Variants in SPMIP4 observed in about 807,000 individuals in gnomAD.
The protein encoded by SPMIP4 is sperm microtubule inner protein 4.
the SPMIP4 span, among the ~76,000 whole-genome samples, chr7:25,161,861 AC>A: frequency 6.6e-6 from 1 of 152,168 alleles, no homozygotes. Context: ...AAAAACCTGT[AC>A]AAAAATTAAA....
chr7:25,152,456 G>A, the SPMIP4 span, among the ~76,000 whole-genome samples: 1 of 151,700 alleles, frequency 6.6e-6, no homozygotes, highest in East Asian at 1.9e-4. Context: ...CACTTACCAT[G>A]TGCCAGTCAC....
At chr7:25,163,242 A>C in the SPMIP4 span, among the ~76,000 whole-genome samples, 1 of 152,254 alleles carries the variant, frequency 6.6e-6, no homozygotes, top group Non-Finnish European at 1.5e-5. The surrounding 1 kb of genome is among the most constrained non-coding windows in gnomAD (Gnocchi z 4.4). Flanking sequence ...CCCATTGAAA[A>C]TATAGTGTCA....
chr7:25,137,007 T>C, the SPMIP4 span, among the ~76,000 whole-genome samples: 1 of 152,232 alleles, frequency 6.6e-6, no homozygotes, highest in African/African-American at 2.4e-5. Context: ...GAAAGGGGCA[T>C]GTTTTTTATT....
the SPMIP4 span, among the ~76,000 whole-genome samples, chr7:25,160,159 C>T: frequency 1.1e-4 from 17 of 151,836 alleles, no homozygotes; most frequent in African/African-American, 3.6e-4. Flanking sequence ...AGGGATAAAC[C>T]GAGACAACCA....
At chr7:25,146,140 T>A in the SPMIP4 span, among the ~76,000 whole-genome samples, 15 of 152,154 alleles carry the variant, frequency 9.9e-5, no homozygotes, top group African/African-American at 3.6e-4. Context: ...ACATCTGGAA[T>A]GAAGACAGAG....
the SPMIP4 span, among the ~76,000 whole-genome samples, chr7:25,153,362 G>A: frequency 6.6e-6 from 1 of 151,704 alleles, no homozygotes; most frequent in African/African-American, 2.4e-5. Flanking sequence ...TCAGGAGTTC[G>A]AGACCAGCCT....
the SPMIP4 span, chr7:25,142,822 A>G: frequency 6.7e-7 from 1 of 1,501,926 alleles, no homozygotes; most frequent in Middle Eastern, 1.8e-4. Context: ...AAACTAAAAT[A>G]TGAACATAAA....
At chr7:25,157,119 G>A in the SPMIP4 span, among the ~76,000 whole-genome samples, 1 of 151,988 alleles carries the variant, frequency 6.6e-6, no homozygotes, top group Non-Finnish European at 1.5e-5. Flanking sequence ...ATATAGGAGC[G>A]AACTCAAAGA....
the SPMIP4 span, chr7:25,151,557 G>T: frequency 7.8e-7 from 1 of 1,283,904 alleles, no homozygotes; most frequent in Non-Finnish European, 1.1e-6. Flanking sequence ...AAAAATATTT[G>T]TTACTTTCCT....
At chr7:25,159,977 T>A in the SPMIP4 span, among the ~76,000 whole-genome samples, 1 of 143,920 alleles carries the variant, frequency 6.9e-6, no homozygotes, top group Non-Finnish European at 1.5e-5. Context: ...CCATTTTGAT[T>A]TGATTCGAAA....
the SPMIP4 span, chr7:25,136,569 G>GT: frequency 6.2e-7 from 1 of 1,614,132 alleles, no homozygotes; most frequent in Non-Finnish European, 8.5e-7. This position sits in a 1 kb window ranked among gnomAD's most constrained non-coding sequence, Gnocchi z 5.7. Context: ...CAATATCCTG[G>GT]TTTTTATGGG....
the SPMIP4 span, chr7:25,134,947 A>G: frequency 1.0e-6 from 1 of 985,414 alleles, no homozygotes; most frequent in Non-Finnish European, 1.2e-6. Context: ...TACAGAATGC[A>G]GTTGGAAAAA....
chr7:25,149,236 TA>T, the SPMIP4 span, among the ~76,000 whole-genome samples: 268 of 151,638 alleles, frequency 1.8e-3, no homozygotes, highest in Non-Finnish European at 2.5e-3. Flanking sequence ...CTTCATCTCT[TA>T]AAAAAAAATC....
At chr7:25,152,076 T>C in the SPMIP4 span, among the ~76,000 whole-genome samples, 3 of 152,192 alleles carry the variant, frequency 2.0e-5, no homozygotes, top group Non-Finnish European at 2.9e-5. Context: ...TCAGTAGTAA[T>C]AGGAGTCACT....
chr7:25,126,437 A>T, the SPMIP4 span, among the ~76,000 whole-genome samples: 3 of 152,204 alleles, frequency 2.0e-5, no homozygotes. Context: ...TCGGCCTCCC[A>T]AAGTGCTGGG....
chr7:25,152,166 T>C, the SPMIP4 span, among the ~76,000 whole-genome samples: 1 of 152,236 alleles, frequency 6.6e-6, no homozygotes, highest in African/African-American at 2.4e-5. Flanking sequence ...GATCTTTTTT[T>C]CTGGCCTCTG....
chr7:25,156,118 C>T, the SPMIP4 span, among the ~76,000 whole-genome samples: 1 of 152,146 alleles, frequency 6.6e-6, no homozygotes, highest in Non-Finnish European at 1.5e-5. Flanking sequence ...TGCCTGGTAT[C>T]CTTTTAGGAA....
the SPMIP4 span, chr7:25,136,268 T>C: frequency 6.2e-7 from 1 of 1,614,192 alleles, no homozygotes; most frequent in Non-Finnish European, 8.5e-7. This position sits in a 1 kb window ranked among gnomAD's most constrained non-coding sequence, Gnocchi z 5.7. Context: ...GTGTCTTGTT[T>C]ATTTTGTAAA....
the SPMIP4 span, among the ~76,000 whole-genome samples, chr7:25,169,313 A>G: frequency 6.6e-6 from 1 of 152,278 alleles, no homozygotes; most frequent in South Asian, 2.1e-4. Context: ...GCATCCCCAC[A>G]GTCAACTTTA....
Sources: allele counts gnomAD v4.1 joint callset (sites outside exome capture counted in the v4.1 genomes callset), GRCh38; gene constraint gnomAD v4.1.1; non-coding constraint Gnocchi (gnomAD v3.1); transcripts MANE v1.5; gene names NCBI Gene and HGNC (gene_info 2026-07-23, HGNC 2026-07-21).